The following CCDC62 variants were observed in gnomAD, a reference collection of about 807,000 sequenced individuals.
CCDC62 encodes the protein coiled-coil domain-containing protein 62.
CCDC62 carries 72 observed loss-of-function variants against 80.8 expected under a neutral mutation model. That is an observed-to-expected ratio of 0.89 (90% confidence interval 0.74 to 1.08). The LOEUF is 1.08. Ranked by LOEUF, CCDC62 falls within the 50% of genes least tolerant of loss-of-function variation. CCDC62 has a pLI of 0.00. For synonymous variants in CCDC62, 286 were observed against 296.5 expected, an observed-to-expected ratio of 0.96 and a Z score of 0.36; for missense variants, 704 against 809.4, an observed-to-expected ratio of 0.87 and a Z score of 1.58.
intron 12 of CCDC62, among the ~76,000 whole-genome samples, chr12:122,825,179 TG>T (rs1262420254): frequency 2.0e-5 from 3 of 151,992 alleles, no homozygotes; most frequent in African/African-American, 7.2e-5. Flanking sequence ...AGAAGTTTTT[TG>T]TTTGTTTGTT....
At chr12:122,811,243 C>A (rs1253535536) in intron 10 of CCDC62, among the ~76,000 whole-genome samples, 1 of 118,216 alleles carries the variant, frequency 8.5e-6, no homozygotes, top group African/African-American at 3.2e-5. Context: ...CGGAGTTTCA[C>A]TCTTGTTGCC....
intron 2 of CCDC62, among the ~76,000 whole-genome samples, chr12:122,778,317 G>GTCC (rs1879608873): frequency 6.8e-6 from 1 of 148,108 alleles, no homozygotes; most frequent in Non-Finnish European, 1.5e-5. Context: ...TTGCGCCACT[G>GTCC]CACTCCAGCC....
At position 122,823,434 on chromosome 12, in the gene CCDC62, A is replaced by G; in HGVS notation, c.*15A>G. 1.4e-5 allele frequency: 23 copies of G among 1,591,674 alleles called. No homozygotes were observed. Among genetic ancestry groups the G allele is most frequent in the Non-Finnish European group, 2.0e-5 (23 of 1,159,554 alleles). Reference sequence around the variant, plus strand: ...TCAGTTATTGAAGGAAACAAAAGGCAACTTCAGTATTCATCGTGATCACGA... The same window carrying G: ...TCAGTTATTGAAGGAAACAAAAGGCGACTTCAGTATTCATCGTGATCACGA... On this transcript the variant is annotated 3_prime_UTR_variant, in exon 12 of 13. Coordinates refer to ENST00000253079, the MANE Select transcript of CCDC62 (RefSeq NM_201435.5).
At position 122,785,719 on chromosome 12, in the gene CCDC62, G is replaced by T; in HGVS notation, c.397G>T (p.Ala133Ser). The change falls in exon 4 of 13, where the codon GCT (alanine) becomes TCT (serine). Residue 133 changes from alanine (A) to serine (S), a missense_variant and splice_region_variant. Coordinates refer to ENST00000253079, the MANE Select transcript of CCDC62 (RefSeq NM_201435.5). ...HSSLLSEDLE[A>S]RNETLSNTLV... ...TATCATCTGTGTTGTTTTCTTGTAGGCTAGAAACGAAACTCTCAGCAACAC... is the reference window on the plus strand; with the variant it reads ...TATCATCTGTGTTGTTTTCTTGTAGTCTAGAAACGAAACTCTCAGCAACAC... 12 of 1,608,150 alleles carry T rather than the reference G, an allele frequency of 7.5e-6. No homozygotes were observed. Among genetic ancestry groups the T allele is most frequent in the Non-Finnish European group, 1.0e-5 (12 of 1,174,604 alleles).
chr12:122,805,886 C>T (rs2031572310), intron 9 of CCDC62, among the ~76,000 whole-genome samples: 2 of 152,062 alleles, frequency 1.3e-5, no homozygotes, highest in South Asian at 4.1e-4. Flanking sequence ...ATCTCCTGAC[C>T]TCGTGATCCA....
chr12:122,818,332 A>G (rs1158990191), intron 11 of CCDC62, among the ~76,000 whole-genome samples: 1 of 151,946 alleles, frequency 6.6e-6, no homozygotes. Context: ...GGGCGCCTGT[A>G]GTCCCGGCTA....
chr12:122,801,169 C>T lies in CCDC62; in HGVS notation c.1023C>T (p.Val341=), dbSNP rs781754110. Residue 341 remains valine (V), a synonymous_variant, in exon 9 of 13, where the codon GTC becomes GTT. Transcript: ENST00000253079. ...ACCTTGAAAATAACCACCCAAAAGT[C>T]GATATTAAGAGGGAAAAAAATCAGA... The part of the protein sequence containing the change: ...LSDLENNHPK[V]DIKREKNQKS... 39 of 1,612,624 alleles carry T rather than the reference C, an allele frequency of 2.4e-5. No homozygotes were observed. Among genetic ancestry groups the T allele is most frequent in the African/African-American group, 9.4e-5 (7 of 74,568 alleles).
Position 122,774,599 on chromosome 12 carries a change from G to T in CCDC62, c.-72G>T, listed in dbSNP as rs986690772. On this transcript the variant is annotated 5_prime_UTR_variant, in exon 1 of 13. Transcript: ENST00000253079. ...TCCGGGCTCGCCCCCGCCGCTCGGG[G>T]CAGGCGCGCCGATGGCGTTTCTGAG... 3.0e-5 allele frequency: 35 copies of T among 1,159,908 alleles called. No individual in the cohort carries two copies. The highest frequency in any genetic ancestry group is 1.7e-4 in the South Asian group (4 of 22,880). The allele number at this position is 1,159,908 out of a possible 1,614,324, so 71.9% of individuals were successfully genotyped here. A position where few individuals can be genotyped will look rare whatever the true frequency, so the allele number is the denominator to read the frequency against.
intron 11 of CCDC62, among the ~76,000 whole-genome samples, chr12:122,815,707 A>G (rs997611353): frequency 6.6e-6 from 1 of 152,094 alleles, no homozygotes; most frequent in Non-Finnish European, 1.5e-5. Context: ...TCAGCCTCCC[A>G]AAATGCTGGG....
At chr12:122,795,651 C>A (rs2030903374) in intron 6 of CCDC62, among the ~76,000 whole-genome samples, 1 of 151,942 alleles carries the variant, frequency 6.6e-6, no homozygotes, top group African/African-American at 2.4e-5. Context: ...GTCTTGATTT[C>A]CTGACCTCAT....
intron 9 of CCDC62, among the ~76,000 whole-genome samples, chr12:122,803,100 G>A (rs1206169330): frequency 6.6e-6 from 1 of 152,004 alleles, no homozygotes; most frequent in African/African-American, 2.4e-5. Context: ...GGCTGGTCTC[G>A]AACTCCTGGG....
intron 2 of CCDC62, among the ~76,000 whole-genome samples, chr12:122,779,083 C>T (rs1200525723): frequency 6.6e-6 from 1 of 152,132 alleles, no homozygotes; most frequent in Admixed American, 6.6e-5. Flanking sequence ...ATATAACCCA[C>T]ATTATATGTA....
In CCDC62 at chr12:122,806,293, A is replaced by G. The variant is rs553772107; in HGVS notation, c.1849A>G (p.Lys617Glu). 177 of 1,607,374 alleles carry G rather than the reference A, an allele frequency of 1.1e-4. 5 individuals are homozygous for G. In the South Asian group the frequency reaches 1.7e-3, roughly 15 times the overall value. Residue 617 changes from lysine to glutamate, a missense_variant and splice_region_variant, in exon 10 of 13, where the codon AAG (lysine) becomes GAG (glutamate). Coordinates refer to ENST00000253079, the MANE Select transcript of CCDC62 (RefSeq NM_201435.5). ...IYKDAPAFNE[K>E]ASIVLPSQDD... is the part of the protein sequence containing the mutation. ...CAAAGATGCACCAGCATTCAATGAA[A>G]AGGTTCGTATTTTGCTTAGACATCC...
intron 1 of CCDC62, chr12:122,776,656 T>C (rs1432885437): frequency 6.6e-6 from 1 of 152,256 alleles, no homozygotes; most frequent in African/African-American, 2.4e-5. Context: ...TTGCCCTTAA[T>C]AGATTGAGTA....
At chr12:122,809,261 G>A (rs1409081430) in intron 10 of CCDC62, among the ~76,000 whole-genome samples, 5 of 152,122 alleles carry the variant, frequency 3.3e-5, no homozygotes, top group Non-Finnish European at 7.3e-5. Context: ...AGGCTGAGGT[G>A]GGCAGATCAC....
intron 9 of CCDC62, 142 bp downstream of exon 9, chr12:122,801,994 G>A: frequency 1.1e-6 from 1 of 880,850 alleles, no homozygotes; most frequent in Non-Finnish European, 1.8e-6. Flanking sequence ...AGGACCAATG[G>A]TTCCCTCTTT....
chr12:122,825,349 T>G (rs1344122861), intron 12 of CCDC62, among the ~76,000 whole-genome samples: 6 of 141,542 alleles, frequency 4.2e-5, no homozygotes, highest in East Asian at 2.2e-4. Flanking sequence ...CTAATTTTTT[T>G]TTTTTTTTTT....
At position 122,774,584 on chromosome 12, in the gene CCDC62, C is replaced by A. The variant is rs1173971546; in HGVS notation, c.-87C>A. 8.5e-6 allele frequency: 9 copies of A among 1,061,884 alleles called. No individual in the cohort carries two copies. The highest frequency in any genetic ancestry group is 9.7e-6 in the Non-Finnish European group (8 of 827,982). 65.8% of individuals were successfully genotyped at this position (1,061,884 alleles called of 1,614,324 possible). Reference sequence around the variant, plus strand: ...GCGGGGCCCCGGGGCTCCGGGCTCGCCCCCGCCGCTCGGGGCAGGCGCGCC... The same window carrying A: ...GCGGGGCCCCGGGGCTCCGGGCTCGACCCCGCCGCTCGGGGCAGGCGCGCC... On this transcript the variant is annotated 5_prime_UTR_variant, in exon 1 of 13. Transcript: ENST00000253079.
chr12:122,802,503 T>A (rs917623579), intron 9 of CCDC62, among the ~76,000 whole-genome samples: 1 of 146,406 alleles, frequency 6.8e-6, no homozygotes, highest in African/African-American at 2.5e-5. Context: ...AACCTCCGCC[T>A]CCTGGGTTCA....
Sources: gnomAD v4.1 joint callset for allele counts (sites outside exome capture counted in the v4.1 genomes callset) on GRCh38, gnomAD v4.1.1 for gene constraint, MANE v1.5 for transcripts, NCBI Gene and HGNC (gene_info 2026-07-23, HGNC 2026-07-21) for gene names.